Variants in RCAN2 observed in about 807,000 individuals in gnomAD.
RCAN2 encodes calcipressin-2.
A neutral mutation model predicts 23.6 loss-of-function variants in RCAN2; 9 were observed. The ratio of observed to expected loss-of-function variants is 0.38; its 90% CI spans 0.23 to 0.67. RCAN2 has a LOEUF of 0.67. RCAN2 is among the 30% of genes least tolerant of loss of function. The pLI is 0.51. For missense variants in RCAN2, 273 were observed against 302.3 expected, an observed-to-expected ratio of 0.90 and a Z score of 0.72; for synonymous variants, 109 against 115.7, an observed-to-expected ratio of 0.94 and a Z score of 0.37.
intron 2 of RCAN2, among the ~76,000 whole-genome samples, chr6:46,370,564 AT>A (rs1353912580): frequency 1.3e-5 from 2 of 152,184 alleles, no homozygotes; most frequent in Admixed American, 1.3e-4. Flanking sequence ...CTCCCGGTAG[AT>A]ATCCAAGCTC....
At chr6:46,412,051 G>C (rs773098503) in intron 2 of RCAN2, among the ~76,000 whole-genome samples, 25 of 152,290 alleles carry the variant, frequency 1.6e-4, no homozygotes, top group Admixed American at 2.6e-4. Context: ...TACCAGCTAG[G>C]GAGATTACTA....
chr6:46,264,428 A>C (rs1422927437), intron 2 of RCAN2, among the ~76,000 whole-genome samples: 1 of 152,220 alleles, frequency 6.6e-6, no homozygotes, highest in Non-Finnish European at 1.5e-5. Context: ...TTCAATCATT[A>C]AATTTAGAAA....
chr6:46,362,103 C>T (rs1430033403), intron 2 of RCAN2, among the ~76,000 whole-genome samples: 3 of 152,096 alleles, frequency 2.0e-5, no homozygotes, highest in Admixed American at 6.5e-5. Flanking sequence ...TAGAAGGATT[C>T]TGAGGTCTAG....
intron 2 of RCAN2, among the ~76,000 whole-genome samples, chr6:46,261,445 T>C (rs1350643832): frequency 6.6e-6 from 1 of 152,174 alleles, no homozygotes; most frequent in East Asian, 1.9e-4. Context: ...TTAAGTAAAT[T>C]AGTATATTTA....
rs1409766753 is a variant in RCAN2, at chr6:46,221,967, G to T, written c.*1174C>A. ...CGTGAGTAGGACCGGCATACATGTAGCTATCATCCTTCCCCATTTTAACAT... is the reference window on the plus strand; with the variant it reads ...CGTGAGTAGGACCGGCATACATGTATCTATCATCCTTCCCCATTTTAACAT... On this transcript the variant is annotated 3_prime_UTR_variant, in exon 5 of 5. Coordinates refer to ENST00000371374, the MANE Select transcript of RCAN2 (RefSeq NM_001251974.2). The T allele has an allele frequency of 2.5e-5, 10 of 398,434 alleles. No homozygotes were observed. The highest frequency in any genetic ancestry group is 8.8e-6 in the Non-Finnish European group (2 of 226,032). The allele number at this position is 398,434 out of a possible 1,614,324, so 24.7% of individuals were successfully genotyped here.
intron 2 of RCAN2, among the ~76,000 whole-genome samples, chr6:46,416,262 G>A (rs113647883): frequency 0.018 from 2,765 of 151,162 alleles, 72 homozygotes; most frequent in African/African-American, 0.063. Context: ...CTTTGCAGTT[G>A]ACCACTTAAG....
chr6:46,347,598 A>G (rs1372676094), intron 2 of RCAN2, among the ~76,000 whole-genome samples: 1 of 152,216 alleles, frequency 6.6e-6, no homozygotes, highest in Non-Finnish European at 1.5e-5. Flanking sequence ...AGGAGATAAC[A>G]TATTTCCTAT....
chr6:46,264,353 T>C (rs1767244821), intron 2 of RCAN2, among the ~76,000 whole-genome samples: 1 of 152,214 alleles, frequency 6.6e-6, no homozygotes, highest in Non-Finnish European at 1.5e-5. Context: ...TTAACTTATT[T>C]TTCCCATGAA....
chr6:46,435,782 A>T (rs1393668675), intron 2 of RCAN2, among the ~76,000 whole-genome samples: 1 of 152,218 alleles, frequency 6.6e-6, no homozygotes, highest in East Asian at 1.9e-4. Flanking sequence ...TTTTCAGAAA[A>T]CTTCTAAGGA....
intron 2 of RCAN2, among the ~76,000 whole-genome samples, chr6:46,434,354 G>A (rs1767305726): frequency 6.6e-6 from 1 of 152,164 alleles, no homozygotes; most frequent in South Asian, 2.1e-4. Flanking sequence ...TGAGGGAGAG[G>A]TGTCTGTGAA....
At chr6:46,383,648 A>G (rs1765667716) in intron 2 of RCAN2, among the ~76,000 whole-genome samples, 1 of 152,176 alleles carries the variant, frequency 6.6e-6, no homozygotes, top group South Asian at 2.1e-4. Context: ...AATTAATTAA[A>G]ATAAAATACC....
chr6:46,264,980 A>T (rs1767272365), intron 2 of RCAN2, among the ~76,000 whole-genome samples: 2 of 152,246 alleles, frequency 1.3e-5, no homozygotes, highest in South Asian at 2.1e-4. Context: ...GACAGAATGC[A>T]GATTTCATCC....
In RCAN2 at chr6:46,437,521, AT is replaced by A. The variant is rs145309216; in HGVS notation, c.225+19230del. 5.4e-3 allele frequency among the ~76,000 whole-genome samples: 826 copies of A among 152,332 alleles called. 15 individuals carry two copies. The highest frequency in any genetic ancestry group is 0.018 in the African/African-American group (756 of 41,578). On this transcript the variant is annotated intron_variant, in intron 2 of 4. Transcript: ENST00000371374. Reference sequence around the variant, plus strand: ...GAGTGCAGATAATAAGGAAACTTTTATTAGGGAGGACTTCAAACTTTGTTGT... The same window carrying A: ...GAGTGCAGATAATAAGGAAACTTTTATAGGGAGGACTTCAAACTTTGTTGT...
intron 2 of RCAN2, among the ~76,000 whole-genome samples, chr6:46,411,798 T>A (rs1753360381): frequency 1.3e-5 from 2 of 152,146 alleles, no homozygotes; most frequent in African/African-American, 4.8e-5. Flanking sequence ...ACCAGTTGGT[T>A]CAAGAAACAA....
At chr6:46,398,053 T>C (rs1252000146) in intron 2 of RCAN2, among the ~76,000 whole-genome samples, 1 of 152,152 alleles carries the variant, frequency 6.6e-6, no homozygotes, top group Non-Finnish European at 1.5e-5. Context: ...AAACACAGAA[T>C]TAGCGAAGTG....
chr6:46,401,579 C>G (rs1389964002), intron 2 of RCAN2, among the ~76,000 whole-genome samples: 1 of 152,144 alleles, frequency 6.6e-6, no homozygotes, highest in Non-Finnish European at 1.5e-5. Flanking sequence ...GGGGACTGAC[C>G]ATGCTGCCCC....
At chr6:46,416,742 G>A (rs573813589) in intron 2 of RCAN2, among the ~76,000 whole-genome samples, 5 of 150,868 alleles carry the variant, frequency 3.3e-5, no homozygotes, top group Non-Finnish European at 5.9e-5. Flanking sequence ...GGCTGGTCTC[G>A]AACTCCTGGG....
chr6:46,405,739 G>C (rs1766380920), intron 2 of RCAN2, among the ~76,000 whole-genome samples: 1 of 152,222 alleles, frequency 6.6e-6, no homozygotes, highest in Non-Finnish European at 1.5e-5. Flanking sequence ...AGGTGGAGCT[G>C]CCTGCCAGTC....
intron 2 of RCAN2, among the ~76,000 whole-genome samples, chr6:46,397,398 C>CACACAT (rs1554138702): frequency 3.3e-5 from 5 of 151,910 alleles, no homozygotes; most frequent in South Asian, 4.2e-4. Context: ...CACACACACA[C>CACACAT]ACACACACCA....
Sources: gnomAD v4.1 joint callset for allele counts (sites outside exome capture counted in the v4.1 genomes callset) on GRCh38, gnomAD v4.1.1 for gene constraint, MANE v1.5 for transcripts, NCBI Gene and HGNC (gene_info 2026-07-23, HGNC 2026-07-21) for gene names.